GRIA4: variants seen among roughly 807,000 people sequenced by gnomAD.
The protein encoded by GRIA4 is glutamate ionotropic receptor AMPA type subunit 4.
A neutral mutation model predicts 104.0 loss-of-function variants in GRIA4; 34 were observed. That is an observed-to-expected ratio of 0.33 (90% CI 0.25 to 0.44). GRIA4 has a LOEUF of 0.44. Among genes scored for constraint, GRIA4 ranks in the 20% least tolerant of loss-of-function variants. The pLI, the probability that GRIA4 is intolerant of heterozygous loss-of-function variation, is 1.00. For missense variants in GRIA4, 750 were observed against 1,096.5 expected (o/e 0.68, Z 4.46); for synonymous variants, 386 against 381.9 (o/e 1.01, Z -0.13).
intron 3 of GRIA4, among the ~76,000 whole-genome samples, chr11:105,702,043 T>C (rs1591102210): frequency 6.6e-6 from 1 of 152,076 alleles, no homozygotes; most frequent in South Asian, 2.1e-4. Flanking sequence ...CAAGTGATCC[T>C]CCTGCCGCAG....
chr11:105,641,356 T>C (rs1276327617), intron 3 of GRIA4, among the ~76,000 whole-genome samples: 1 of 152,160 alleles, frequency 6.6e-6, no homozygotes, highest in Non-Finnish European at 1.5e-5. Context: ...ATAGCCACTA[T>C]CTTCTCAGCC....
intron 6 of GRIA4, among the ~76,000 whole-genome samples, chr11:105,895,953 C>T (rs1378928183): frequency 6.6e-6 from 1 of 152,202 alleles, no homozygotes; most frequent in Admixed American, 6.5e-5. Flanking sequence ...GGTGGGATTA[C>T]TAGGTCAAAT....
chr11:105,618,956 A>G (rs1289471510), intron 3 of GRIA4, among the ~76,000 whole-genome samples: 1 of 152,006 alleles, frequency 6.6e-6, no homozygotes, highest in Non-Finnish European at 1.5e-5. Flanking sequence ...CCTGTCAAGT[A>G]AACAGTGTTC....
chr11:105,743,449 A>G (rs1565510204), intron 3 of GRIA4, among the ~76,000 whole-genome samples: 1 of 152,208 alleles, frequency 6.6e-6, no homozygotes, highest in Non-Finnish European at 1.5e-5. Flanking sequence ...CAGGTCTCCT[A>G]TTCCTCCAAT....
At chr11:105,680,818 A>G (rs924973749) in intron 3 of GRIA4, among the ~76,000 whole-genome samples, 2 of 152,084 alleles carry the variant, frequency 1.3e-5, no homozygotes, top group African/African-American at 4.8e-5. Flanking sequence ...CCTATTTTAC[A>G]AGTATCCATC....
At chr11:105,965,703 G>A (rs1025940113) in intron 14 of GRIA4, among the ~76,000 whole-genome samples, 14 of 152,194 alleles carry the variant, frequency 9.2e-5, no homozygotes, top group African/African-American at 2.9e-4. Context: ...AATTGATGAT[G>A]AGATCAGTTA....
chr11:105,637,179 T>C (rs1323297722), intron 3 of GRIA4, among the ~76,000 whole-genome samples: 1 of 142,458 alleles, frequency 7.0e-6, no homozygotes, highest in Non-Finnish European at 1.5e-5. Context: ...TTTAATGATA[T>C]GAGGTATGAT....
At chr11:105,951,756 G>A (rs771832257) in intron 14 of GRIA4, among the ~76,000 whole-genome samples, 4 of 152,030 alleles carry the variant, frequency 2.6e-5, no homozygotes, top group East Asian at 3.9e-4. Context: ...CCAGGAGTTC[G>A]AGACCAGCAT....
At chr11:105,963,879 T>C (rs901098947) in intron 14 of GRIA4, among the ~76,000 whole-genome samples, 3 of 152,148 alleles carry the variant, frequency 2.0e-5, no homozygotes, top group Non-Finnish European at 4.4e-5. Flanking sequence ...TGAAATAAGT[T>C]TAGTTTTATC....
chr11:105,865,353 A>G (rs1945366297), intron 5 of GRIA4, among the ~76,000 whole-genome samples: 1 of 152,232 alleles, frequency 6.6e-6, no homozygotes, highest in African/African-American at 2.4e-5. Flanking sequence ...CCAATGAGCA[A>G]TTTGGTCCAC....
chr11:105,760,637 G>T (rs1381038289), intron 4 of GRIA4, among the ~76,000 whole-genome samples: 1 of 152,046 alleles, frequency 6.6e-6, no homozygotes, highest in African/African-American at 2.4e-5. Flanking sequence ...AAGTTTAGTA[G>T]AATATGCCTT....
At chr11:105,868,429 C>G (rs1426086675) in intron 5 of GRIA4, among the ~76,000 whole-genome samples, 1 of 152,108 alleles carries the variant, frequency 6.6e-6, no homozygotes, top group Non-Finnish European at 1.5e-5. Context: ...AATCTTATCT[C>G]CATCAGGGCG....
At chr11:105,898,223 T>C (rs1419605591) in intron 6 of GRIA4, 46 bp from the exon 7 acceptor site, 1 of 952,968 alleles carries the variant, frequency 1.0e-6, no homozygotes, top group South Asian at 1.5e-5. Flanking sequence ...AGAGCTGCCA[T>C]GTATAATAAA....
At chr11:105,627,648 G>C (rs568113634) in intron 3 of GRIA4, among the ~76,000 whole-genome samples, 1 of 152,266 alleles carries the variant, frequency 6.6e-6, no homozygotes, top group Middle Eastern at 3.4e-3. Flanking sequence ...TTTTCAGCAA[G>C]AACTGTTAGT....
chr11:105,684,871 C>T (rs1169867270), intron 3 of GRIA4, among the ~76,000 whole-genome samples: 3 of 151,600 alleles, frequency 2.0e-5, no homozygotes, highest in Non-Finnish European at 4.4e-5. Context: ...AATTATCCTG[C>T]CTTACTAACT....
chr11:105,901,026 AT>A (rs1946835786), intron 7 of GRIA4, among the ~76,000 whole-genome samples: 1 of 152,076 alleles, frequency 6.6e-6, no homozygotes, highest in South Asian at 2.1e-4. Context: ...TGATTGGGCA[AT>A]TCTCATCAGG....
intron 4 of GRIA4, among the ~76,000 whole-genome samples, chr11:105,821,982 A>G (rs1943590728): frequency 6.6e-6 from 1 of 152,124 alleles, no homozygotes; most frequent in Non-Finnish European, 1.5e-5. Context: ...CTCGCCACGC[A>G]GGTTCCCAGA....
intron 11 of GRIA4, among the ~76,000 whole-genome samples, chr11:105,921,582 T>C (rs1172126957): frequency 2.0e-5 from 3 of 152,260 alleles, no homozygotes; most frequent in Non-Finnish European, 4.4e-5. Context: ...TCATTGGACA[T>C]GGATGTCACC....
intron 3 of GRIA4, among the ~76,000 whole-genome samples, chr11:105,668,289 A>T (rs1381403125): frequency 6.8e-6 from 1 of 147,168 alleles, no homozygotes; most frequent in Non-Finnish European, 1.5e-5. Context: ...GTAGATCTTA[A>T]TACATATATC....
Sources: gnomAD v4.1 joint callset for allele counts (sites outside exome capture counted in the v4.1 genomes callset) on GRCh38, gnomAD v4.1.1 for gene constraint, MANE v1.5 for transcripts, NCBI Gene and HGNC (gene_info 2026-07-23, HGNC 2026-07-21) for gene names.